The following HCN1 variants were observed in gnomAD, a reference collection of about 807,000 sequenced individuals.
HCN1 encodes potassium/sodium hyperpolarization-activated cyclic nucleotide-gated channel 1.
In HCN1, 13 loss-of-function variants were observed where a neutral mutation model predicts 78.9. That is an observed-to-expected ratio of 0.16 (90% confidence interval 0.11 to 0.26). The LOEUF is 0.26. Ranked by LOEUF, HCN1 falls within the 10% of genes least tolerant of loss-of-function variation. The pLI, the probability that HCN1 is intolerant of heterozygous loss-of-function variation, is 1.00. For synonymous variants in HCN1, 552 were observed against 455.5 expected (o/e 1.21, Z -2.70); for missense variants, 810 against 1,154.3 (o/e 0.70, Z 4.32).
chr5:45,528,988 C>T (rs968407045), intron 2 of HCN1, among the ~76,000 whole-genome samples: 1 of 151,974 alleles, frequency 6.6e-6, no homozygotes, highest in Non-Finnish European at 1.5e-5. Flanking sequence ...AAATATCCTA[C>T]TCTTATGATG....
chr5:45,413,978 C>T (rs1270764221), intron 3 of HCN1, among the ~76,000 whole-genome samples: 1 of 151,884 alleles, frequency 6.6e-6, no homozygotes, highest in African/African-American at 2.4e-5. Context: ...TGAAGCTCAA[C>T]AAATTGTTGC....
intron 2 of HCN1, among the ~76,000 whole-genome samples, chr5:45,577,840 A>G (rs1050504289): frequency 2.6e-5 from 4 of 152,102 alleles, no homozygotes; most frequent in Non-Finnish European, 4.4e-5. Flanking sequence ...CTGAATTTGA[A>G]GAAAAAAATT....
At chr5:45,387,475 A>T (rs974550902) in intron 4 of HCN1, among the ~76,000 whole-genome samples, 1 of 152,086 alleles carries the variant, frequency 6.6e-6, no homozygotes, top group African/African-American at 2.4e-5. Context: ...ATTTTTTTTA[A>T]TAACAGTGAT....
At chr5:45,265,692 C>T (rs966755313) in intron 7 of HCN1, among the ~76,000 whole-genome samples, 2 of 152,294 alleles carry the variant, frequency 1.3e-5, no homozygotes, top group East Asian at 3.9e-4. Context: ...AGTTGAGGTA[C>T]CTCCTTGTTT....
At chr5:45,297,849 GA>G (rs1442170580) in intron 6 of HCN1, among the ~76,000 whole-genome samples, 1 of 151,732 alleles carries the variant, frequency 6.6e-6, no homozygotes, top group South Asian at 2.1e-4. Context: ...GACTAGAGAA[GA>G]AAAAACATAG....
chr5:45,695,595 C>G, intron 1 of HCN1, 74 bp downstream of exon 1: 1 of 1,485,272 alleles, frequency 6.7e-7, no homozygotes, highest in Non-Finnish European at 9.3e-7. Context: ...CGGGACGCCC[C>G]CCACCCAAGG....
At chr5:45,664,469 A>G (rs1422710132) in intron 1 of HCN1, among the ~76,000 whole-genome samples, 2 of 146,736 alleles carry the variant, frequency 1.4e-5, no homozygotes, top group Non-Finnish European at 3.0e-5. Flanking sequence ...ATAATAAAAA[A>G]AAGAAAAAAA....
At chr5:45,625,674 A>G (rs1344571018) in intron 2 of HCN1, among the ~76,000 whole-genome samples, 1 of 152,202 alleles carries the variant, frequency 6.6e-6, no homozygotes, top group Non-Finnish European at 1.5e-5. Flanking sequence ...TAAAAGGGAT[A>G]TGAAAAACAT....
intron 4 of HCN1, among the ~76,000 whole-genome samples, chr5:45,354,309 A>T (rs1442955656): frequency 6.6e-6 from 1 of 152,032 alleles, no homozygotes; most frequent in Non-Finnish European, 1.5e-5. Context: ...ACTGAAAAAA[A>T]AATAATTAGG....
intron 2 of HCN1, among the ~76,000 whole-genome samples, chr5:45,619,869 G>C (rs776406965): frequency 6.6e-6 from 1 of 151,998 alleles, no homozygotes; most frequent in Non-Finnish European, 1.5e-5. Context: ...CTCTCTCCTT[G>C]AGTATAAACT....
At chr5:45,401,884 A>C (rs890151930) in intron 3 of HCN1, among the ~76,000 whole-genome samples, 1 of 151,932 alleles carries the variant, frequency 6.6e-6, no homozygotes, top group African/African-American at 2.4e-5. Context: ...TAATTAAACA[A>C]GGTTTAATTA....
intron 3 of HCN1, among the ~76,000 whole-genome samples, chr5:45,400,656 C>CT (rs1329146216): frequency 2.0e-5 from 3 of 152,066 alleles, no homozygotes; most frequent in Non-Finnish European, 4.4e-5. Flanking sequence ...ATCCACCTGC[C>CT]TTGGCCTCCT....
chr5:45,605,714 C>T (rs1744711954), intron 2 of HCN1, among the ~76,000 whole-genome samples: 1 of 151,802 alleles, frequency 6.6e-6, no homozygotes, highest in African/African-American at 2.4e-5. Flanking sequence ...GGAGTCAGTC[C>T]TCATCTGAAT....
At chr5:45,572,565 G>A (rs1743857967) in intron 2 of HCN1, among the ~76,000 whole-genome samples, 1 of 152,132 alleles carries the variant, frequency 6.6e-6, no homozygotes, top group Non-Finnish European at 1.5e-5. Flanking sequence ...TTGCATTTTA[G>A]CCTGGTCTAT....
At chr5:45,628,895 G>A (rs1282990229) in intron 2 of HCN1, among the ~76,000 whole-genome samples, 1 of 151,674 alleles carries the variant, frequency 6.6e-6, no homozygotes, top group African/African-American at 2.4e-5. Flanking sequence ...CTTCAACTCA[G>A]GAGGAGGAGG....
At position 45,505,459 on chromosome 5, in the gene HCN1, A is replaced by G. The variant is rs1742279703; in HGVS notation, c.850-43452T>C. Among the ~76,000 whole-genome samples the G allele has an allele frequency of 2.0e-5, 3 of 152,206 alleles. No homozygotes were observed. In the South Asian group the frequency reaches 6.2e-4, roughly 32 times the overall value. Reference sequence around the variant, plus strand: ...GGGCTCTGCTCCTTTCCATTGGTCTATATCTCTGTTTTGGTACCAGTAACA... The same window carrying G: ...GGGCTCTGCTCCTTTCCATTGGTCTGTATCTCTGTTTTGGTACCAGTAACA... On this transcript the variant is annotated intron_variant, in intron 2 of 7. Transcript: ENST00000303230.
intron 3 of HCN1, among the ~76,000 whole-genome samples, chr5:45,421,051 C>CTCTTTCTCTCTTTCTTCTT (rs1468883502): frequency 7.2e-5 from 11 of 151,826 alleles, no homozygotes; most frequent in South Asian, 2.1e-4. Context: ...CCTTCCTTCT[C>CTCTTTCTCTCTTTCTTCTT]TCTTTCTCTC....
chr5:45,339,825 A>T (rs1746537414), intron 5 of HCN1, among the ~76,000 whole-genome samples: 1 of 152,224 alleles, frequency 6.6e-6, no homozygotes, highest in Admixed American at 6.5e-5. Flanking sequence ...TTGTCAGAGG[A>T]TGCACGTAAA....
At chr5:45,328,266 T>C (rs1339524924) in intron 5 of HCN1, among the ~76,000 whole-genome samples, 3 of 151,712 alleles carry the variant, frequency 2.0e-5, no homozygotes, top group Non-Finnish European at 4.4e-5. Flanking sequence ...CATTTTTTTT[T>C]TTCTTCACAA....
Sources: allele counts gnomAD v4.1 joint callset (sites outside exome capture counted in the v4.1 genomes callset), GRCh38; gene constraint gnomAD v4.1.1; transcripts MANE v1.5; gene names NCBI Gene and HGNC (gene_info 2026-07-23, HGNC 2026-07-21).